The following SRD5A2 variants were observed in gnomAD, a reference collection of about 807,000 sequenced individuals.
The protein encoded by SRD5A2 is steroid 5 alpha-reductase 2.
Under a neutral mutation model 27.4 loss-of-function variants are expected in SRD5A2, and 30 were observed. That is an observed-to-expected ratio of 1.10 (90% CI 0.82 to 1.49). SRD5A2 has a LOEUF of 1.49. Ranked by LOEUF, SRD5A2 falls within the 40% of genes most tolerant of loss-of-function variation. The probability of loss-of-function intolerance (pLI) is 0.00; values close to 1 mark genes in which losing one functional copy is unlikely to be tolerated. For missense variants in SRD5A2, 348 were observed against 323.4 expected (o/e 1.08, Z -0.58); for synonymous variants, 141 against 133.6 (o/e 1.06, Z -0.38).
chr2:31,584,663 C>T (rs1270845299), upstream of SRD5A2, among the ~76,000 whole-genome samples: 2 of 152,184 alleles, frequency 1.3e-5, no homozygotes, highest in Non-Finnish European at 2.9e-5. Context: ...ACTATACTTA[C>T]AACTACAGTT....
chr2:31,593,281 T>A, the SRD5A2 span, among the ~76,000 whole-genome samples: 1 of 151,690 alleles, frequency 6.6e-6, no homozygotes, highest in Admixed American at 6.6e-5. Context: ...AAAAGAAATT[T>A]TCAAAAAAAT....
the SRD5A2 span, among the ~76,000 whole-genome samples, chr2:31,612,903 A>G: frequency 6.6e-6 from 1 of 152,232 alleles, no homozygotes; most frequent in Non-Finnish European, 1.5e-5. Flanking sequence ...AGGTGCCAAG[A>G]ACACACCATA....
the SRD5A2 span, among the ~76,000 whole-genome samples, chr2:31,590,153 AC>A: frequency 1.1e-5 from 1 of 87,596 alleles, no homozygotes; most frequent in South Asian, 5.0e-4. Context: ...CTGCGCCCCC[AC>A]CCCACCCACC....
In SRD5A2 at chr2:31,524,492, A is replaced by C. The variant is rs571382247; in HGVS notation, c.*1704T>G. 9.1e-5 allele frequency: 21 copies of C among 230,360 alleles called. No individual in the cohort carries two copies. Among genetic ancestry groups the C allele is most frequent in the African/African-American group, 3.5e-4 (16 of 45,288 alleles). 14.3% of individuals were successfully genotyped at this position (230,360 alleles called of 1,614,324 possible). A position where few individuals can be genotyped will look rare whatever the true frequency, so the allele number is the denominator to read the frequency against. On this transcript the variant is annotated 3_prime_UTR_variant, in exon 5 of 5. Coordinates refer to ENST00000622030, the MANE Select transcript of SRD5A2 (RefSeq NM_000348.4). ...ACTACAGACAGGGTGAATGGGAATG[A>C]GGGACAGGCGGGACAGGGAAGCACA...
At chr2:31,629,765 T>C in the SRD5A2 span, among the ~76,000 whole-genome samples, 2 of 152,198 alleles carry the variant, frequency 1.3e-5, no homozygotes, top group African/African-American at 4.8e-5. Context: ...ACTTTCTGTC[T>C]GACCCTTACC....
At chr2:31,645,222 A>G in the SRD5A2 span, among the ~76,000 whole-genome samples, 2 of 152,196 alleles carry the variant, frequency 1.3e-5, no homozygotes, top group Admixed American at 6.5e-5. Flanking sequence ...AAAACGTTAG[A>G]AAAAATGAAT....
the SRD5A2 span, among the ~76,000 whole-genome samples, chr2:31,602,338 A>G: frequency 6.6e-6 from 1 of 152,216 alleles, no homozygotes; most frequent in East Asian, 1.9e-4. Flanking sequence ...TAAAATGCCT[A>G]GAAATACTGC....
chr2:31,640,154 T>C, the SRD5A2 span, among the ~76,000 whole-genome samples: 9 of 152,044 alleles, frequency 5.9e-5, no homozygotes, highest in African/African-American at 1.9e-4. Context: ...AGTTCTTCAG[T>C]TCAGCATATG....
intron 1 of SRD5A2, among the ~76,000 whole-genome samples, chr2:31,559,986 G>C (rs1477893703): frequency 6.6e-6 from 1 of 151,452 alleles, no homozygotes; most frequent in Non-Finnish European, 1.5e-5. Flanking sequence ...GTTTGTGAAG[G>C]TACCTATAGA....
intron 1 of SRD5A2, among the ~76,000 whole-genome samples, chr2:31,535,391 G>C (rs926262997): frequency 2.2e-4 from 33 of 152,312 alleles, no homozygotes; most frequent in African/African-American, 7.5e-4. Flanking sequence ...GGCAACAGCA[G>C]TTCCACATCT....
intron 1 of SRD5A2, among the ~76,000 whole-genome samples, chr2:31,534,824 A>T (rs1454800382): frequency 6.6e-6 from 1 of 152,188 alleles, no homozygotes; most frequent in African/African-American, 2.4e-5. Flanking sequence ...AAAAACAGGA[A>T]GTCTAAGAAA....
At position 31,522,809 on chromosome 2, in the gene SRD5A2, C is replaced by A; in HGVS notation, c.*3387G>T. 4.5e-6 allele frequency: 1 copy of A among 221,708 alleles called. No individual in the cohort carries two copies. The highest frequency in any genetic ancestry group is 9.0e-6 in the Non-Finnish European group (1 of 110,776). 13.7% of individuals were successfully genotyped at this position (221,708 alleles called of 1,614,324 possible). A position where few individuals can be genotyped will look rare whatever the true frequency, so the allele number is the denominator to read the frequency against. ...ACCCTCCTTGTTTTCCCTGCATGGA[C>A]CTCAGCTCACAGCTTATTAGAGAAC... On this transcript the variant is annotated 3_prime_UTR_variant, in exon 5 of 5. Coordinates refer to ENST00000622030, the MANE Select transcript of SRD5A2 (RefSeq NM_000348.4).
At chr2:31,639,049 T>C in the SRD5A2 span, among the ~76,000 whole-genome samples, 5 of 152,116 alleles carry the variant, frequency 3.3e-5, no homozygotes, top group African/African-American at 1.2e-4. Context: ...TTTTAGTTTG[T>C]TCCTTTTTAT....
rs139726809 is a variant in SRD5A2 at position 31,571,953 on chromosome 2, T to C, written c.281+8667A>G. Among the ~76,000 whole-genome samples, 1,429 of 152,292 alleles carry C rather than the reference T, an allele frequency of 9.4e-3. 21 individuals carry two copies. Among genetic ancestry groups the C allele is most frequent in the South Asian group, 0.028 (137 of 4,828 alleles). On this transcript the variant is annotated intron_variant, in intron 1 of 4. Coordinates refer to ENST00000622030, the MANE Select transcript of SRD5A2 (RefSeq NM_000348.4). ...CAAATAATTTAAAACAGAATCACCA[T>C]TGAACTCAGCAATCCCATTATTGGG...
the SRD5A2 span, among the ~76,000 whole-genome samples, chr2:31,611,213 G>A: frequency 6.6e-6 from 1 of 152,098 alleles, no homozygotes; most frequent in Non-Finnish European, 1.5e-5. Context: ...CCACCCAGAT[G>A]ACATCAAAGG....
chr2:31,583,787 G>C (rs1236181350), upstream of SRD5A2, among the ~76,000 whole-genome samples: 1 of 151,894 alleles, frequency 6.6e-6, no homozygotes, highest in East Asian at 1.9e-4. Context: ...AACATATGCA[G>C]ACACAGAAAT....
upstream of SRD5A2, among the ~76,000 whole-genome samples, chr2:31,585,640 T>C (rs933195474): frequency 1.3e-5 from 2 of 152,164 alleles, no homozygotes; most frequent in East Asian, 1.9e-4. Flanking sequence ...TGGCTCTGAA[T>C]AACCAGCAGT....
At chr2:31,652,881 T>C in the SRD5A2 span, among the ~76,000 whole-genome samples, 1 of 152,198 alleles carries the variant, frequency 6.6e-6, no homozygotes. Flanking sequence ...CTCTGTCCTT[T>C]GCTTGATGGC....
the SRD5A2 span, among the ~76,000 whole-genome samples, chr2:31,586,420 C>A: frequency 6.6e-6 from 1 of 152,092 alleles, no homozygotes; most frequent in Non-Finnish European, 1.5e-5. Context: ...TAGGCAGTGG[C>A]CAGGGAGTGG....
Sources: allele counts gnomAD v4.1 joint callset (sites outside exome capture counted in the v4.1 genomes callset), GRCh38; gene constraint gnomAD v4.1.1; transcripts MANE v1.5; gene names NCBI Gene and HGNC (gene_info 2026-07-23, HGNC 2026-07-21).